CNGB1: variants seen among roughly 807,000 people sequenced by gnomAD.
CNGB1 encodes the protein cyclic nucleotide gated channel subunit beta 1.
Under a neutral mutation model 151.7 loss-of-function variants are expected in CNGB1, and 126 were observed. The ratio of observed to expected loss-of-function variants is 0.83; its 90% confidence interval spans 0.72 to 0.96. CNGB1 has a LOEUF of 0.96. Ranked by LOEUF, CNGB1 falls within the 40% of genes least tolerant of loss-of-function variation. The pLI, the probability that CNGB1 is intolerant of heterozygous loss-of-function variation, is 0.00. For synonymous variants in CNGB1, 623 were observed against 635.1 expected, an observed-to-expected ratio of 0.98 and a Z score of 0.29; for missense variants, 1,698 against 1,627.0, an observed-to-expected ratio of 1.04 and a Z score of -0.75.
chr16:57,886,117 C>T (rs1343177777), intron 32 of CNGB1, among the ~76,000 whole-genome samples: 2 of 152,144 alleles, frequency 1.3e-5, no homozygotes, highest in Non-Finnish European at 2.9e-5. Flanking sequence ...TCTCGGAAAG[C>T]TTGAGGGGCT....
intron 31 of CNGB1, among the ~76,000 whole-genome samples, chr16:57,891,659 C>A (rs1337657509): frequency 6.6e-6 from 1 of 152,056 alleles, no homozygotes; most frequent in Non-Finnish European, 1.5e-5. Flanking sequence ...CAGGGTCAAG[C>A]CATTCTCCTG....
At chr16:57,969,082 G>C (rs898897558) in intron 1 of CNGB1, among the ~76,000 whole-genome samples, 1 of 152,156 alleles carries the variant, frequency 6.6e-6, no homozygotes, top group African/African-American at 2.4e-5. Flanking sequence ...AAGGCAGGCA[G>C]ATCACCAGAG....
chr16:57,925,805 A>G (rs76206451), intron 17 of CNGB1, among the ~76,000 whole-genome samples: 1 of 152,048 alleles, frequency 6.6e-6, no homozygotes, highest in East Asian at 1.9e-4. Context: ...CTCCTGCCTC[A>G]GCCTCTTGAG....
chr16:57,942,141 C>CA (rs1418764770), intron 14 of CNGB1, among the ~76,000 whole-genome samples: 1 of 152,120 alleles, frequency 6.6e-6, no homozygotes, highest in Admixed American at 6.6e-5. Flanking sequence ...CTTGGTCTCC[C>CA]AAAGTGCTAG....
At chr16:57,959,021 G>T (rs1003347807) in intron 10 of CNGB1, among the ~76,000 whole-genome samples, 2 of 150,752 alleles carry the variant, frequency 1.3e-5, no homozygotes, top group Admixed American at 1.3e-4. Context: ...CCAAAGTACC[G>T]GGATTACAAG....
intron 4 of CNGB1, 75 bp downstream of exon 4, chr16:57,964,055 T>A (rs890309089): frequency 7.1e-7 from 1 of 1,414,318 alleles, no homozygotes; most frequent in Non-Finnish European, 9.9e-7. Context: ...CCCACCCCCA[T>A]CCCCAGGGCT....
intron 25 of CNGB1, among the ~76,000 whole-genome samples, chr16:57,906,127 A>G (rs1000282275): frequency 2.0e-5 from 3 of 152,184 alleles, no homozygotes; most frequent in Non-Finnish European, 4.4e-5. Context: ...TAGATAGAAC[A>G]TGGGCTCTGG....
At chr16:57,892,366 C>T (rs530985286) in intron 31 of CNGB1, among the ~76,000 whole-genome samples, 107 of 152,238 alleles carry the variant, frequency 7.0e-4, no homozygotes, top group Non-Finnish European at 7.8e-4. Context: ...GGCACTGGCA[C>T]GCACCACTGA....
Position 57,963,596 on chromosome 16 carries a change from G to C in CNGB1, c.291-532C>G, listed in dbSNP as rs564465692. Reference sequence around the variant, plus strand: ...AGCCCCAGCCCTGCTCAGGCCCCAAGCACCATGGGCTGAAATGTCTGAGCC... The same window carrying C: ...AGCCCCAGCCCTGCTCAGGCCCCAACCACCATGGGCTGAAATGTCTGAGCC... On this transcript the variant is annotated intron_variant, in intron 4 of 32. Transcript: ENST00000251102. Among the ~76,000 whole-genome samples, 22 of 152,280 alleles carry C rather than the reference G, an allele frequency of 1.4e-4. No homozygotes were observed. The East Asian group carries it at 2.5e-3, about 17-fold the overall frequency.
At chr16:57,950,158 A>G (rs1297217440) in intron 13 of CNGB1, among the ~76,000 whole-genome samples, 7 of 152,226 alleles carry the variant, frequency 4.6e-5, no homozygotes, top group African/African-American at 1.7e-4. Flanking sequence ...ACAAAAAGAA[A>G]AAAGGAGGGA....
intron 16 of CNGB1, among the ~76,000 whole-genome samples, chr16:57,938,601 G>C (rs1961574588): frequency 6.6e-6 from 1 of 152,190 alleles, no homozygotes; most frequent in Non-Finnish European, 1.5e-5. Flanking sequence ...ACACAGCAAG[G>C]AAGAGAGAAA....
chr16:57,912,901 C>T (rs1291918408), intron 24 of CNGB1, 29 bp downstream of exon 24: 6 of 1,606,068 alleles, frequency 3.7e-6, no homozygotes, highest in Non-Finnish European at 5.1e-6. Flanking sequence ...TGTGTGTGTG[C>T]ATGCATGCAC....
At chr16:57,937,797 G>C (rs1961552818) in intron 16 of CNGB1, among the ~76,000 whole-genome samples, 1 of 152,180 alleles carries the variant, frequency 6.6e-6, no homozygotes, top group African/African-American at 2.4e-5. Flanking sequence ...TTCCCCAACT[G>C]GGCTGTGCAT....
chr16:57,941,818 A>G (rs1462168634), intron 14 of CNGB1, among the ~76,000 whole-genome samples: 1 of 151,958 alleles, frequency 6.6e-6, no homozygotes. Context: ...CTCACTAGTT[A>G]TTTATTTTTC....
intron 17 of CNGB1, among the ~76,000 whole-genome samples, chr16:57,925,681 A>G (rs1961163132): frequency 6.8e-6 from 1 of 147,608 alleles, no homozygotes; most frequent in Admixed American, 6.8e-5. Flanking sequence ...TCCCAAGGGA[A>G]GTTCATGATT....
intron 12 of CNGB1, among the ~76,000 whole-genome samples, chr16:57,953,493 T>TAA (rs61409577): frequency 0.03 from 3,712 of 122,710 alleles, 157 homozygotes; most frequent in African/African-American, 0.1. Flanking sequence ...GGCTCAATCT[T>TAA]AAAAAAAAAA....
chr16:57,916,084 T>C, intron 22 of CNGB1, 45 bp downstream of exon 22: 2 of 1,606,222 alleles, frequency 1.2e-6, no homozygotes, highest in Non-Finnish European at 1.7e-6. Flanking sequence ...AGGCACCCCC[T>C]TCTGAAACCC....
At chr16:57,930,275 T>C (rs1961309363) in intron 17 of CNGB1, among the ~76,000 whole-genome samples, 1 of 152,092 alleles carries the variant, frequency 6.6e-6, no homozygotes, top group Non-Finnish European at 1.5e-5. Flanking sequence ...GGCAGGTGGA[T>C]TGCTCGAGCT....
Position 57,939,099 on chromosome 16 carries a change from A to T in CNGB1, c.1372+331T>A, listed in dbSNP as rs539421168. Among the ~76,000 whole-genome samples, 573 of 151,064 alleles carry T rather than the reference A, an allele frequency of 3.8e-3. 2 individuals carry two copies. Among genetic ancestry groups the T allele is most frequent in the African/African-American group, 0.012 (502 of 41,344 alleles). On this transcript the variant is annotated intron_variant, in intron 16 of 32. Coordinates refer to ENST00000251102, the MANE Select transcript of CNGB1 (RefSeq NM_001297.5). ...AGGCTGGCAGGAGGGACTGGCTGGG[A>T]GGGGCTGGTTAGGAGGGGCCTGCAG...
Sources: gnomAD v4.1 joint callset for allele counts (sites outside exome capture counted in the v4.1 genomes callset) on GRCh38, gnomAD v4.1.1 for gene constraint, MANE v1.5 for transcripts, NCBI Gene and HGNC (gene_info 2026-07-23, HGNC 2026-07-21) for gene names.